Variants in GLS observed in about 807,000 individuals in gnomAD.
The protein encoded by GLS is glutaminase.
In GLS, 36 loss-of-function variants were observed where a neutral mutation model predicts 86.7. The ratio of observed to expected loss-of-function variants is 0.42; its 90% CI spans 0.32 to 0.55. The LOEUF (loss-of-function observed/expected upper bound fraction) is 0.55. Among genes scored for constraint, GLS ranks in the 20% least tolerant of loss-of-function variants. The pLI, the probability that GLS is intolerant of heterozygous loss-of-function variation, is 0.17. For missense variants in GLS, 528 were observed against 833.4 expected (o/e 0.63, Z 4.51); for synonymous variants, 317 against 305.9 (o/e 1.04, Z -0.38).
intron 11 of GLS, among the ~76,000 whole-genome samples, chr2:190,926,693 T>C (rs1689905673): frequency 6.6e-6 from 1 of 152,184 alleles, no homozygotes; most frequent in Non-Finnish European, 1.5e-5. Context: ...ATAGTAAATA[T>C]CAAATAAATA....
intron 14 of GLS, chr2:190,932,630 T>C: frequency 1.0e-6 from 1 of 979,450 alleles, no homozygotes; most frequent in Non-Finnish European, 1.4e-6. Context: ...ATTTTAATAA[T>C]GCTCATTGAA....
chr2:190,923,713 G>A (rs1327164182), intron 9 of GLS, among the ~76,000 whole-genome samples: 1 of 152,154 alleles, frequency 6.6e-6, no homozygotes, highest in East Asian at 1.9e-4. Flanking sequence ...TTATAGCCAA[G>A]AAAATGAAGA....
At chr2:190,958,967 A>T (rs1690929903) in intron 17 of GLS, among the ~76,000 whole-genome samples, 1 of 152,114 alleles carries the variant, frequency 6.6e-6, no homozygotes, top group Non-Finnish European at 1.5e-5. Context: ...CAAGTCCTGA[A>T]TATCCTTGTT....
rs542327184 is a variant in GLS, at chr2:190,895,299, A to C, written c.483+51A>C. ...AACTTAAAAAAATCAATAATAATAA[A>C]TATATACAGTATTATTGAAATATAG... is the stretch of plus-strand genomic sequence containing the variant. On this transcript the variant is annotated intron_variant, in intron 2 of 17. Coordinates refer to ENST00000320717, the MANE Select transcript of GLS (RefSeq NM_014905.5). This position sits in a 1 kb window ranked among gnomAD's most constrained non-coding sequence, Gnocchi z 4.2. 2.4e-5 allele frequency: 18 copies of C among 734,720 alleles called. No individual in the cohort carries two copies. In the African/African-American group the frequency reaches 2.7e-4, roughly 11 times the overall value. 45.5% of individuals were successfully genotyped at this position (734,720 alleles called of 1,614,324 possible). A position where few individuals can be genotyped will look rare whatever the true frequency, so the allele number is the denominator to read the frequency against.
chr2:190,888,024 G>A (rs1057097659), intron 1 of GLS, among the ~76,000 whole-genome samples: 4 of 152,118 alleles, frequency 2.6e-5, no homozygotes, highest in South Asian at 2.1e-4. Flanking sequence ...TTATGAGAAC[G>A]AGCATTGTTT....
At chr2:190,934,022 C>T (rs1690193015) in intron 14 of GLS, 1 of 969,770 alleles carries the variant, frequency 1.0e-6, no homozygotes, top group Non-Finnish European at 1.2e-6. Context: ...TTATAGTTGT[C>T]TTGGCAAAGT....
chr2:190,944,973 T>G (rs1447779744), intron 14 of GLS, among the ~76,000 whole-genome samples: 1 of 152,234 alleles, frequency 6.6e-6, no homozygotes. Flanking sequence ...GTTTCTTTGT[T>G]GCTATTTTCT....
In GLS at chr2:190,905,573, A is replaced by T. The variant is rs2124853411; in HGVS notation, c.979+406A>T. 6.6e-6 allele frequency among the ~76,000 whole-genome samples: 1 copy of T among 152,220 alleles called. No homozygotes were observed. The highest frequency in any genetic ancestry group is 3.4e-3 in the Middle Eastern group (1 of 294). ...TCTATTATATTGTATATAGTAGTTG[A>T]AAGTTTTATTGTGGCCCTGGTTGAG... On this transcript the variant is annotated intron_variant, in intron 6 of 17. Coordinates refer to ENST00000320717, the MANE Select transcript of GLS (RefSeq NM_014905.5). This position sits in a 1 kb window ranked among gnomAD's most constrained non-coding sequence, Gnocchi z 4.6.
intron 3 of GLS, among the ~76,000 whole-genome samples, chr2:190,898,373 A>C (rs1688821306): frequency 6.6e-6 from 1 of 152,218 alleles, no homozygotes; most frequent in Non-Finnish European, 1.5e-5. Context: ...GAAAAGCATA[A>C]GCACCTCCTC....
Position 190,924,644 on chromosome 2 carries a change from C to G in GLS, c.1248+51C>G, listed in dbSNP as rs762227315. 1 of 981,114 alleles carries G rather than the reference C, an allele frequency of 1.0e-6. No individual in the cohort carries two copies. Among genetic ancestry groups the G allele is most frequent in the African/African-American group, 1.6e-5 (1 of 63,044 alleles). 60.8% of individuals were successfully genotyped at this position (981,114 alleles called of 1,614,324 possible). On this transcript the variant is annotated intron_variant, in intron 11 of 17. Coordinates refer to ENST00000320717, the MANE Select transcript of GLS (RefSeq NM_014905.5). This position sits in a 1 kb window ranked among gnomAD's most constrained non-coding sequence, Gnocchi z 5.2. ...TATAAATGGATGTGTCGGCTGGGCACGGTGGCTCACGCCTGTAATCCCAGC... is the reference window on the plus strand; with the variant it reads ...TATAAATGGATGTGTCGGCTGGGCAGGGTGGCTCACGCCTGTAATCCCAGC...
Position 190,931,637 on chromosome 2 carries a change from G to A in GLS, c.1650G>A (p.Arg550=). ...CTCGAAGAGAAGGTGGTGATCAAAGGGTAAGCAAAATTCTTATTTAGATAA... is the reference window on the plus strand; with the variant it reads ...CTCGAAGAGAAGGTGGTGATCAAAGAGTAAGCAAAATTCTTATTTAGATAA... ...LDPRREGGDQ[R]VKSVINLLFA... is the part of the protein sequence containing the mutation. Residue 550 remains arginine, a splice_region_variant and synonymous_variant, in exon 14 of 18, where the codon AGG becomes AGA. Coordinates refer to ENST00000320717, the MANE Select transcript of GLS (RefSeq NM_014905.5). 2 of 1,449,650 alleles carry A rather than the reference G, an allele frequency of 1.4e-6. No homozygotes were observed. Among genetic ancestry groups the A allele is most frequent in the South Asian group, 1.2e-5 (1 of 83,810 alleles). The allele number at this position is 1,449,650 out of a possible 1,614,324, so 89.8% of individuals were successfully genotyped here.
At chr2:190,894,547 G>A (rs1688665588) in intron 1 of GLS, among the ~76,000 whole-genome samples, 1 of 152,082 alleles carries the variant, frequency 6.6e-6, no homozygotes, top group Admixed American at 6.6e-5. Flanking sequence ...AACCCTATGA[G>A]GGAGGCACTG....
chr2:190,884,747 T>C (rs1921914), intron 1 of GLS, among the ~76,000 whole-genome samples: 140,824 of 152,312 alleles, frequency 0.92, 65,167 homozygotes, highest in Non-Finnish European at 0.94. Context: ...CATATGTATG[T>C]TGTTAGAAAA....
Position 190,881,229 on chromosome 2 carries a change from GCTGC to G in GLS, c.147_150del (p.Ala50ProfsTer81). 2 of 1,246,926 alleles carry G rather than the reference GCTGC, an allele frequency of 1.6e-6. No individual in the cohort carries two copies. The highest frequency in any genetic ancestry group is 2.0e-6 in the Non-Finnish European group (2 of 998,862). The allele number at this position is 1,246,926 out of a possible 1,614,324, so 77.2% of individuals were successfully genotyped here. A position where few individuals can be genotyped will look rare whatever the true frequency, so the allele number is the denominator to read the frequency against. Reference sequence around the variant, plus strand: ...CGGGGGACGGCCGGCCGCGGGCCCGGCTGCCGCCGCGCGACTCCACCCGTGGTGG... The same window carrying G: ...CGGGGGACGGCCGGCCGCGGGCCCGGCGCCGCGCGACTCCACCCGTGGTGG... On this transcript the variant is annotated frameshift_variant, in exon 1 of 18. Coordinates refer to ENST00000320717, the MANE Select transcript of GLS (RefSeq NM_014905.5). LOFTEE classifies it high-confidence loss of function.
Position 190,963,010 on chromosome 2 carries a change from A to C in GLS, c.*24A>C. 1 of 1,502,794 alleles carries C rather than the reference A, an allele frequency of 6.7e-7. No homozygotes were observed. The highest frequency in any genetic ancestry group is 9.1e-7 in the Non-Finnish European group (1 of 1,101,560). The allele number at this position is 1,502,794 out of a possible 1,614,324, so 93.1% of individuals were successfully genotyped here. A position where few individuals can be genotyped will look rare whatever the true frequency, so the allele number is the denominator to read the frequency against. On this transcript the variant is annotated 3_prime_UTR_variant, in exon 18 of 18. Transcript: ENST00000320717. Reference sequence around the variant, plus strand: ...AATGGTCTCAAATCCCAAGATTTAAATCACTTACCTATTTAATTGTGGAAA... The same window carrying C: ...AATGGTCTCAAATCCCAAGATTTAACTCACTTACCTATTTAATTGTGGAAA...
rs148090002 is a variant in GLS, at chr2:190,947,418, G to A, written c.1651-6147G>A. Among the ~76,000 whole-genome samples the A allele has an allele frequency of 1.3e-5, 2 of 152,300 alleles. No homozygotes were observed. The highest frequency in any genetic ancestry group is 3.9e-4 in the East Asian group (2 of 5,194). On this transcript the variant is annotated intron_variant, in intron 14 of 17. Transcript: ENST00000320717. The surrounding 1 kb of genome is among the most constrained non-coding windows in gnomAD (Gnocchi z 5.0). ...AGATTGTCTGGTTCGGGCAGATTCT[G>A]ATAAAGAGACTTGATAAGAAAAATG...
chr2:190,938,632 G>A lies in GLS; in HGVS notation c.1650+6995G>A, dbSNP rs1024218021. ...TTTGCTTTTTCTATTAGCATATTTA[G>A]ATTTTTTTCTCTTGAGGGGGTTGGT... On this transcript the variant is annotated intron_variant, in intron 14 of 17. Coordinates refer to ENST00000320717, the MANE Select transcript of GLS (RefSeq NM_014905.5). This position sits in a 1 kb window ranked among gnomAD's most constrained non-coding sequence, Gnocchi z 4.1. Among the ~76,000 whole-genome samples the A allele has an allele frequency of 2.6e-5, 4 of 151,544 alleles. No homozygotes were observed. The highest frequency in any genetic ancestry group is 4.8e-5 in the African/African-American group (2 of 41,374).
chr2:190,909,928 C>T (rs1291142377), intron 6 of GLS, among the ~76,000 whole-genome samples: 22 of 152,030 alleles, frequency 1.4e-4, no homozygotes, highest in Admixed American at 1.4e-3. Flanking sequence ...GTCCCAGCTT[C>T]TTTGGAGTCT....
In GLS at chr2:190,932,360, C is replaced by T. The variant is rs181808775; in HGVS notation, c.1650+723C>T. 1.0e-3 allele frequency among the ~76,000 whole-genome samples: 152 copies of T among 151,806 alleles called. 2 individuals are homozygous for T. The highest frequency in any genetic ancestry group is 6.8e-3 in the Middle Eastern group (2 of 294). On this transcript the variant is annotated intron_variant, in intron 14 of 17. Coordinates refer to ENST00000320717, the MANE Select transcript of GLS (RefSeq NM_014905.5). Reference sequence around the variant, plus strand: ...TGAGAATTTTGATTCAGTTTCTTTGCGTACCATATTGAAAATGTTTGTAGT... The same window carrying T: ...TGAGAATTTTGATTCAGTTTCTTTGTGTACCATATTGAAAATGTTTGTAGT...
Sources: gnomAD v4.1 joint callset for allele counts (sites outside exome capture counted in the v4.1 genomes callset) on GRCh38, gnomAD v4.1.1 for gene constraint, Gnocchi (gnomAD v3.1) non-coding constraint, MANE v1.5 for transcripts, NCBI Gene and HGNC (gene_info 2026-07-23, HGNC 2026-07-21) for gene names.